CARMIL1: variants seen among roughly 807,000 people sequenced by gnomAD.
CARMIL1 encodes capping protein regulator and myosin 1 linker 1.
Under a neutral mutation model 177.1 loss-of-function variants are expected in CARMIL1, and 90 were observed. The observed-to-expected ratio is 0.51, with a 90% CI of 0.43 to 0.61. CARMIL1 has a LOEUF of 0.61. Among genes scored for constraint, CARMIL1 ranks in the 20% least tolerant of loss-of-function variants. The probability of loss-of-function intolerance (pLI) is 0.00; values close to 1 mark genes in which losing one functional copy is unlikely to be tolerated. For missense variants in CARMIL1, 1,380 were observed against 1,667.0 expected, an observed-to-expected ratio of 0.83 and a Z score of 3.00; for synonymous variants, 577 against 606.2, an observed-to-expected ratio of 0.95 and a Z score of 0.71.
At chr6:25,425,727 G>A (rs917243260) in intron 3 of CARMIL1, among the ~76,000 whole-genome samples, 1 of 152,012 alleles carries the variant, frequency 6.6e-6, no homozygotes, top group Non-Finnish European at 1.5e-5. Flanking sequence ...GAAGAGAGGG[G>A]CACTTGTTAA....
chr6:25,562,379 C>G (rs2151195440), intron 29 of CARMIL1, among the ~76,000 whole-genome samples: 1 of 152,112 alleles, frequency 6.6e-6, no homozygotes, highest in African/African-American at 2.4e-5. Context: ...TCCTGAGTAG[C>G]TGGGATTACA....
At chr6:25,292,944 A>G (rs1782090884) in intron 2 of CARMIL1, among the ~76,000 whole-genome samples, 1 of 152,202 alleles carries the variant, frequency 6.6e-6, no homozygotes, top group African/African-American at 2.4e-5. Context: ...ACAGAGAAAA[A>G]TAAAGACTTT....
chr6:25,308,377 A>ATTTT (rs35167760), intron 2 of CARMIL1, among the ~76,000 whole-genome samples: 4 of 118,830 alleles, frequency 3.4e-5, no homozygotes, highest in Non-Finnish European at 5.2e-5. Flanking sequence ...TTGTACAACC[A>ATTTT]TTTTTTTTTT....
intron 8 of CARMIL1, among the ~76,000 whole-genome samples, chr6:25,459,918 A>G (rs1488470058): frequency 6.6e-6 from 1 of 152,244 alleles, no homozygotes; most frequent in African/African-American, 2.4e-5. Context: ...CAAAGGTTAC[A>G]TCATAATTAG....
chr6:25,519,950 TG>T (rs1250111751), intron 22 of CARMIL1, among the ~76,000 whole-genome samples: 1 of 152,192 alleles, frequency 6.6e-6, no homozygotes, highest in Non-Finnish European at 1.5e-5. Context: ...TCAATCCCAG[TG>T]TGAAAATTCT....
At chr6:25,306,007 TC>T (rs1420693097) in intron 2 of CARMIL1, among the ~76,000 whole-genome samples, 1 of 152,208 alleles carries the variant, frequency 6.6e-6, no homozygotes, top group Non-Finnish European at 1.5e-5. Flanking sequence ...TGAAGTATAT[TC>T]TCAATGTTAT....
At chr6:25,355,577 G>A (rs1281821290) in intron 2 of CARMIL1, among the ~76,000 whole-genome samples, 1 of 152,212 alleles carries the variant, frequency 6.6e-6, no homozygotes, top group African/African-American at 2.4e-5. Flanking sequence ...TGGAGGTTGA[G>A]GCGGGAGGAT....
chr6:25,420,252 A>C (rs779168259), intron 3 of CARMIL1, 88 bp downstream of exon 3: 86 of 1,229,636 alleles, frequency 7.0e-5, no homozygotes, highest in Non-Finnish European at 9.8e-5. Context: ...ACATGTGTGC[A>C]CACATATTCC....
intron 35 of CARMIL1, among the ~76,000 whole-genome samples, chr6:25,606,804 CCTGTGG>C (rs1227434143): frequency 6.6e-6 from 1 of 152,102 alleles, no homozygotes; most frequent in Non-Finnish European, 1.5e-5. Context: ...GTTGGTGTCA[CCTGTGG>C]CTGTGGCTGC....
At chr6:25,283,140 T>C (rs1169558580) in intron 1 of CARMIL1, among the ~76,000 whole-genome samples, 1 of 152,206 alleles carries the variant, frequency 6.6e-6, no homozygotes, top group Non-Finnish European at 1.5e-5. Context: ...AAGATGAAGA[T>C]ATTAGGAATA....
intron 2 of CARMIL1, among the ~76,000 whole-genome samples, chr6:25,348,812 AAAC>A (rs1456756318): frequency 3.9e-5 from 6 of 151,986 alleles, no homozygotes; most frequent in Non-Finnish European, 7.4e-5. Flanking sequence ...AAAAAAATGA[AAAC>A]AAGATAATTA....
At chr6:25,489,251 A>C (rs775020812) in intron 13 of CARMIL1, among the ~76,000 whole-genome samples, 2 of 152,098 alleles carry the variant, frequency 1.3e-5, no homozygotes, top group African/African-American at 2.4e-5. Flanking sequence ...CATTAACTGA[A>C]CTTTCTCATT....
intron 32 of CARMIL1, among the ~76,000 whole-genome samples, chr6:25,597,693 A>T (rs1191695896): frequency 6.6e-6 from 1 of 151,112 alleles, no homozygotes; most frequent in Non-Finnish European, 1.5e-5. Context: ...CTGCTGGGGG[A>T]TTCCCTTCAC....
At chr6:25,612,921 G>A (rs997615744) in intron 36 of CARMIL1, 7 of 984,704 alleles carry the variant, frequency 7.1e-6, no homozygotes, top group South Asian at 4.7e-5. Context: ...TCACTGACCC[G>A]AAGCTTATGA....
At chr6:25,325,417 C>T (rs1399201885) in intron 2 of CARMIL1, among the ~76,000 whole-genome samples, 1 of 152,158 alleles carries the variant, frequency 6.6e-6, no homozygotes, top group Non-Finnish European at 1.5e-5. Context: ...AATTTGCTTG[C>T]AGATTTTAGG....
intron 36 of CARMIL1, among the ~76,000 whole-genome samples, chr6:25,614,802 C>T (rs1048410854): frequency 1.3e-5 from 2 of 152,142 alleles, no homozygotes; most frequent in Non-Finnish European, 2.9e-5. Context: ...TGAGGCTTTG[C>T]GTTAGAGTAA....
At chr6:25,304,402 A>G (rs1234617802) in intron 2 of CARMIL1, among the ~76,000 whole-genome samples, 18 of 152,192 alleles carry the variant, frequency 1.2e-4, no homozygotes, top group Non-Finnish European at 2.2e-4. Context: ...ACCAGGGAGT[A>G]GTTTTGTGGA....
rs181845673 is a variant in CARMIL1 at position 25,593,307 on chromosome 6, T to A, written c.3007-1108T>A. 7.0e-3 allele frequency among the ~76,000 whole-genome samples: 1,073 copies of A among 152,332 alleles called. 8 individuals are homozygous for A. The highest frequency in any genetic ancestry group is 0.013 in the Non-Finnish European group (876 of 68,034). ...GCTCCTGAACAGGTTTACCTACTTATATTCTCTGGCGTCTCCAATTGGTCC... is the reference window on the plus strand; with the variant it reads ...GCTCCTGAACAGGTTTACCTACTTAAATTCTCTGGCGTCTCCAATTGGTCC... On this transcript the variant is annotated intron_variant, in intron 31 of 36. Coordinates refer to ENST00000329474, the MANE Select transcript of CARMIL1 (RefSeq NM_017640.6).
intron 9 of CARMIL1, among the ~76,000 whole-genome samples, 162 bp downstream of exon 9, chr6:25,466,110 A>G (rs1235177552): frequency 6.6e-6 from 1 of 152,220 alleles, no homozygotes; most frequent in Admixed American, 6.5e-5. Context: ...ACATTTAGTC[A>G]AATTTGTAAT....
Sources: allele counts gnomAD v4.1 joint callset (sites outside exome capture counted in the v4.1 genomes callset), GRCh38; gene constraint gnomAD v4.1.1; transcripts MANE v1.5; gene names NCBI Gene and HGNC (gene_info 2026-07-23, HGNC 2026-07-21).